Variants in PACRG observed in about 807,000 individuals in gnomAD.
The protein encoded by PACRG is parkin coregulated.
A neutral mutation model predicts 29.7 loss-of-function variants in PACRG; 29 were observed. The observed-to-expected ratio is 0.98, with a 90% CI of 0.73 to 1.33. The LOEUF (loss-of-function observed/expected upper bound fraction) is 1.33, where lower values mean the gene tolerates loss of function less well. PACRG is among the 40% of genes most tolerant of loss of function. PACRG has a pLI of 0.00. For missense variants in PACRG, 279 were observed against 316.2 expected (o/e 0.88, Z 0.89); for synonymous variants, 116 against 118.7 (o/e 0.98, Z 0.15).
At chr6:163,098,848 A>G (rs1814834969) in intron 4 of PACRG, among the ~76,000 whole-genome samples, 1 of 152,306 alleles carries the variant, frequency 6.6e-6, no homozygotes, top group African/African-American at 2.4e-5. Context: ...TTTAGACCAT[A>G]TAGGGTAACT....
At position 163,046,695 on chromosome 6, in the gene PACRG, A is replaced by C. The variant is rs963272187; in HGVS notation, c.292-15455A>C. The C allele has an allele frequency of 6.6e-5, 10 of 152,244 alleles. No homozygotes were observed. The East Asian group carries it at 1.8e-3, about 27-fold the overall frequency. 9.4% of individuals were successfully genotyped at this position (152,244 alleles called of 1,614,324 possible). Reference sequence around the variant, plus strand: ...ACAAGCTGATCATACTAAAATATGAATCCAAGGAAATAAGTTATATTTCTC... The same window carrying C: ...ACAAGCTGATCATACTAAAATATGACTCCAAGGAAATAAGTTATATTTCTC... On this transcript the variant is annotated intron_variant, in intron 2 of 4. Transcript: ENST00000366888.
At chr6:162,758,162 T>A (rs1438013754) in intron 1 of PACRG, among the ~76,000 whole-genome samples, 2 of 152,212 alleles carry the variant, frequency 1.3e-5, no homozygotes, top group Non-Finnish European at 2.9e-5. Context: ...ACTACAGTTT[T>A]ATTATTAGCT....
At chr6:163,026,198 A>G (rs988506702) in intron 2 of PACRG, among the ~76,000 whole-genome samples, 9 of 152,206 alleles carry the variant, frequency 5.9e-5, no homozygotes, top group Admixed American at 3.9e-4. Flanking sequence ...ATAAAAGTTT[A>G]TCTCACTGAA....
At chr6:163,101,887 AC>A (rs1485837638) in intron 4 of PACRG, among the ~76,000 whole-genome samples, 1 of 152,198 alleles carries the variant, frequency 6.6e-6, no homozygotes, top group Non-Finnish European at 1.5e-5. Context: ...CAAAGAGAGA[AC>A]CACATAATAC....
intron 4 of PACRG, among the ~76,000 whole-genome samples, chr6:163,264,180 C>G (rs151148446): frequency 2.6e-5 from 4 of 152,264 alleles, no homozygotes; most frequent in Admixed American, 6.5e-5. Flanking sequence ...CTTCTCACGT[C>G]GAATCATTCA....
At position 162,787,582 on chromosome 6, in the gene PACRG, G is replaced by GTATATA. The variant is rs869254835; in HGVS notation, c.157-26531_157-26526dup. Among the ~76,000 whole-genome samples the GTATATA allele has an allele frequency of 9.3e-3, 577 of 62,266 alleles. 4 individuals are homozygous for GTATATA. The highest frequency in any genetic ancestry group is 0.025 in the East Asian group (22 of 870). The allele number at this position is 62,266 out of a possible 152,430, so 40.8% of individuals were successfully genotyped here. A position where few individuals can be genotyped will look rare whatever the true frequency, so the allele number is the denominator to read the frequency against. ...ATTGTGTGTGTGTGTGTGTGTGTGT[G>GTATATA]TATATATATATATATATATATATAT... On this transcript the variant is annotated intron_variant, in intron 1 of 4. Transcript: ENST00000366888.
At chr6:162,933,568 A>G (rs1798007457) in intron 2 of PACRG, among the ~76,000 whole-genome samples, 1 of 117,192 alleles carries the variant, frequency 8.5e-6, no homozygotes, top group African/African-American at 3.3e-5. Flanking sequence ...TGCTAAATTT[A>G]TCATTTTATC....
chr6:163,304,466 C>T (rs4708990), intron 4 of PACRG, among the ~76,000 whole-genome samples: 85,213 of 152,010 alleles, frequency 0.56, 25,517 homozygotes, highest in African/African-American at 0.79. Flanking sequence ...AACATAATTA[C>T]CATGATCCTT....
chr6:162,851,077 G>T (rs1233220286), intron 2 of PACRG, among the ~76,000 whole-genome samples: 2 of 152,236 alleles, frequency 1.3e-5, no homozygotes, highest in Non-Finnish European at 2.9e-5. Context: ...GACTGCGGCG[G>T]CAGTGGGGTG....
intron 2 of PACRG, among the ~76,000 whole-genome samples, chr6:162,869,354 T>C (rs1033044084): frequency 1.3e-5 from 2 of 152,114 alleles, no homozygotes; most frequent in Admixed American, 6.5e-5. Flanking sequence ...GAATAATAAA[T>C]CAGAACAAAA....
chr6:163,292,602 A>ATTTATTTATTTATTTGTTTG (rs35254999), intron 4 of PACRG, among the ~76,000 whole-genome samples: 1 of 150,040 alleles, frequency 6.7e-6, no homozygotes, highest in Non-Finnish European at 1.5e-5. Flanking sequence ...TTATTTATTT[A>ATTTATTTATTTATTTGTTTG]TTAGTAGAGA....
chr6:162,983,808 A>C, intron 2 of PACRG, among the ~76,000 whole-genome samples: 1 of 151,836 alleles, frequency 6.6e-6, no homozygotes, highest in Non-Finnish European at 1.5e-5. Flanking sequence ...TTTGTGACAA[A>C]TTTTTCAGCT....
intron 4 of PACRG, among the ~76,000 whole-genome samples, chr6:163,292,083 T>TA: frequency 6.6e-6 from 1 of 151,554 alleles, no homozygotes; most frequent in South Asian, 2.1e-4. Flanking sequence ...TTTAAAGGGA[T>TA]AGAGAGAAGG....
rs73601569 is a variant in PACRG, at chr6:163,256,382, G to A, written c.614-58445G>A. ...TGGCTGTCACATCTGTACTTACAGA[G>A]GATTCTCGTTGGAGGAGACAAGATA... On this transcript the variant is annotated intron_variant, in intron 4 of 4. Transcript: ENST00000366888. Among the ~76,000 whole-genome samples the A allele has an allele frequency of 5.5e-3, 835 of 152,316 alleles. 13 individuals are homozygous for A. The highest frequency in any genetic ancestry group is 0.019 in the African/African-American group (793 of 41,558).
intron 2 of PACRG, among the ~76,000 whole-genome samples, chr6:162,931,558 A>G (rs1417230666): frequency 6.6e-6 from 1 of 151,978 alleles, no homozygotes; most frequent in Non-Finnish European, 1.5e-5. Flanking sequence ...TTTCAGCACC[A>G]TTTGTTGAAA....
intron 1 of PACRG, among the ~76,000 whole-genome samples, chr6:162,794,221 G>A (rs1357333726): frequency 6.6e-6 from 1 of 151,926 alleles, no homozygotes; most frequent in African/African-American, 2.4e-5. Context: ...ATGAAATTGA[G>A]CATTTTTAAT....
Position 163,290,278 on chromosome 6 carries a change from G to GCGCACA in PACRG, c.614-24548_614-24547insGCACAC, listed in dbSNP as rs1554242204. Among the ~76,000 whole-genome samples the GCGCACA allele has an allele frequency of 7.2e-3, 828 of 114,498 alleles. 7 individuals carry two copies. Among genetic ancestry groups the GCGCACA allele is most frequent in the Admixed American group, 0.018 (208 of 11,846 alleles). The allele number at this position is 114,498 out of a possible 152,430, so 75.1% of individuals were successfully genotyped here. On this transcript the variant is annotated intron_variant, in intron 4 of 4. Coordinates refer to ENST00000366888, the MANE Select transcript of PACRG (RefSeq NM_001080379.2). ...CATGTGCGCATGCACGCGCGCGCGC[G>GCGCACA]CACACACACACACACACACACACAC...
chr6:163,216,952 T>A (rs1335426396), intron 4 of PACRG, among the ~76,000 whole-genome samples: 1 of 152,222 alleles, frequency 6.6e-6, no homozygotes, highest in Non-Finnish European at 1.5e-5. Context: ...AAAGCAATGA[T>A]CGTTTATACT....
chr6:162,916,185 T>C (rs1048084042), intron 2 of PACRG, among the ~76,000 whole-genome samples: 1 of 152,210 alleles, frequency 6.6e-6, no homozygotes, highest in Admixed American at 6.5e-5. Flanking sequence ...ACAGTTCTTA[T>C]CCTTGAGCAC....
Sources: allele counts gnomAD v4.1 joint callset (sites outside exome capture counted in the v4.1 genomes callset), GRCh38; gene constraint gnomAD v4.1.1; transcripts MANE v1.5; gene names NCBI Gene and HGNC (gene_info 2026-07-23, HGNC 2026-07-21).